Variants in PHC2 observed in about 807,000 individuals in gnomAD.
The protein encoded by PHC2 is polyhomeotic-like protein 2.
PHC2 carries 29 observed loss-of-function variants against 87.4 expected under a neutral mutation model. The observed-to-expected ratio is 0.33, with a 90% CI of 0.25 to 0.45. The LOEUF is 0.45. Ranked by LOEUF, PHC2 falls within the 20% of genes least tolerant of loss-of-function variation. The probability of loss-of-function intolerance (pLI) is 1.00; values close to 1 mark genes in which losing one functional copy is unlikely to be tolerated. For synonymous variants in PHC2, 438 were observed against 461.7 expected (o/e 0.95, Z 0.66); for missense variants, 857 against 1,136.7 (o/e 0.75, Z 3.54).
chr1:33,347,019 C>G, intron 9 of PHC2: 1 of 985,462 alleles, frequency 1.0e-6, no homozygotes, highest in Non-Finnish European at 1.2e-6. Flanking sequence ...ACTTACTCCT[C>G]TTAACATGCC....
At chr1:33,401,845 C>T (rs1308332369) in intron 1 of PHC2, among the ~76,000 whole-genome samples, 1 of 152,086 alleles carries the variant, frequency 6.6e-6, no homozygotes, top group East Asian at 1.9e-4. Flanking sequence ...TCACAGCAAA[C>T]CTCCCAAGTT....
At chr1:33,325,561 A>G (rs1234309151) in intron 14 of PHC2, 1 of 232,606 alleles carries the variant, frequency 4.3e-6, no homozygotes, top group African/African-American at 2.3e-5. Flanking sequence ...GAGACCTCAT[A>G]TGACCTCAAA....
intron 9 of PHC2, chr1:33,346,937 G>C (rs1232842307): frequency 2.0e-6 from 2 of 985,254 alleles, no homozygotes; most frequent in African/African-American, 3.5e-5. Flanking sequence ...AAAATGTAGA[G>C]AGGGGACAGC....
chr1:33,397,131 T>C (rs994072614), intron 1 of PHC2, among the ~76,000 whole-genome samples: 5 of 152,104 alleles, frequency 3.3e-5, no homozygotes, highest in African/African-American at 1.2e-4. Flanking sequence ...GCTGGGACAA[T>C]GAGAGGAACC....
At chr1:33,367,897 C>T (rs996441721) in intron 6 of PHC2, among the ~76,000 whole-genome samples, 3 of 152,180 alleles carry the variant, frequency 2.0e-5, no homozygotes, top group African/African-American at 4.8e-5. Flanking sequence ...AGGTTGCCAC[C>T]GGCTCTTCCA....
At chr1:33,398,237 C>T (rs1649374698) in intron 1 of PHC2, among the ~76,000 whole-genome samples, 1 of 152,136 alleles carries the variant, frequency 6.6e-6, no homozygotes, top group South Asian at 2.1e-4. Flanking sequence ...AAATGCTTTG[C>T]AACATTTTAA....
chr1:33,413,003 G>A (rs1372877891), intron 1 of PHC2, among the ~76,000 whole-genome samples: 1 of 151,970 alleles, frequency 6.6e-6, no homozygotes, highest in Non-Finnish European at 1.5e-5. Flanking sequence ...TCTCGCTCTT[G>A]TCACCCAGGC....
chr1:33,370,964 G>T, intron 4 of PHC2, 53 bp downstream of exon 4: 1 of 1,451,822 alleles, frequency 6.9e-7, no homozygotes, highest in Non-Finnish European at 9.7e-7. Flanking sequence ...GGGAACTTGG[G>T]CATTTTGGTC....
rs139330053 is a variant in PHC2 at position 33,367,129 on chromosome 1, G to T, written c.963C>A (p.Pro321=). The T allele has an allele frequency of 1.5e-5, 24 of 1,606,272 alleles. No individual in the cohort carries two copies. The highest frequency in any genetic ancestry group is 1.9e-5 in the Non-Finnish European group (22 of 1,174,420). ...TGAAGACCTTACCTGGTGCAATGAG[G>T]GGGTGGGCAGCCACAGCAGGAACCG... is the stretch of plus-strand genomic sequence containing the variant. ...SRTVPAVAAH[P]LIAPAYAQLQ... is the part of the protein sequence containing the mutation. The change falls in exon 7 of 15, where the codon CCC becomes CCA. Residue 321 remains proline (P), a synonymous_variant. Transcript: ENST00000683057.
intron 7 of PHC2, chr1:33,363,325 A>C (rs1647252935): frequency 6.6e-6 from 1 of 152,230 alleles, no homozygotes; most frequent in South Asian, 2.1e-4. Flanking sequence ...GGATAGCTGA[A>C]ATGACCTTCA....
rs1159926732 is a variant in PHC2 at position 33,325,006 on chromosome 1, T to C, written c.2439A>G (p.Ile813Met). 4 of 1,612,084 alleles carry C rather than the reference T, an allele frequency of 2.5e-6. No homozygotes were observed. Among genetic ancestry groups the C allele is most frequent in the Non-Finnish European group, 2.5e-6 (3 of 1,178,682 alleles). The change falls in exon 15 of 15, where the codon ATA becomes ATG. Residue 813 changes from isoleucine (I) to methionine (M), a missense_variant. By Grantham distance (10) the Ile-to-Met change is conservative. Coordinates refer to ENST00000683057, the MANE Select transcript of PHC2 (RefSeq NM_001385109.1). ...FIRSLPGCQE[I>M]AEEFRAQEID... is the part of the protein sequence containing the mutation. ...TTTCCTGGGCACGGAATTCCTCTGCTATCTCCTGGCAGCCTGAGGGGGTAC... is the reference window on the plus strand; with the variant it reads ...TTTCCTGGGCACGGAATTCCTCTGCCATCTCCTGGCAGCCTGAGGGGGTAC...
At chr1:33,367,552 G>A in intron 6 of PHC2, 124 bp from the exon 7 acceptor site, 5 of 770,622 alleles carry the variant, frequency 6.5e-6, no homozygotes, top group Non-Finnish European at 1.0e-5. Flanking sequence ...TCAAATCAGA[G>A]AGAGAGAATG....
chr1:33,349,424 G>A lies in PHC2; in HGVS notation c.1558+4977C>T, dbSNP rs1371786207. ...GGGTCCCCAGGCGAGCGAGGCTGGG[G>A]AGCAGGGCACCTCCCAGGCGCCGCG... On this transcript the variant is annotated intron_variant, in intron 9 of 14. Transcript: ENST00000683057. This position sits in a 1 kb window ranked among gnomAD's most constrained non-coding sequence, Gnocchi z 4.2. 2.0e-6 allele frequency: 2 copies of A among 985,270 alleles called. No homozygotes were observed. Among genetic ancestry groups the A allele is most frequent in the East Asian group, 2.3e-4 (2 of 8,758 alleles). The allele number at this position is 985,270 out of a possible 1,614,324, so 61.0% of individuals were successfully genotyped here. A position where few individuals can be genotyped will look rare whatever the true frequency, so the allele number is the denominator to read the frequency against.
At chr1:33,344,858 C>A (rs1190532019) in intron 9 of PHC2, among the ~76,000 whole-genome samples, 7 of 152,064 alleles carry the variant, frequency 4.6e-5, no homozygotes, top group African/African-American at 1.7e-4. Context: ...ATCCTCCTGC[C>A]TCGGCCCCCC....
chr1:33,324,192 T>C lies in PHC2; in HGVS notation c.*673A>G, dbSNP rs1240719849. ...CTGAGTGGAGTCCAGGACAAAGCAC[T>C]AAGTGGCTGTTTGCTACAAAACACC... On this transcript the variant is annotated 3_prime_UTR_variant, in exon 15 of 15. Coordinates refer to ENST00000683057, the MANE Select transcript of PHC2 (RefSeq NM_001385109.1). The C allele has an allele frequency of 6.5e-6, 1 of 152,768 alleles. No homozygotes were observed. The highest frequency in any genetic ancestry group is 6.5e-5 in the Admixed American group (1 of 15,280). 9.5% of individuals were successfully genotyped at this position (152,768 alleles called of 1,614,324 possible). A position where few individuals can be genotyped will look rare whatever the true frequency, so the allele number is the denominator to read the frequency against.
At position 33,431,048 on chromosome 1, in the gene PHC2, G is replaced by C. The variant is rs1650903473; in HGVS notation, c.-127C>G. 6.6e-6 allele frequency: 1 copy of C among 151,736 alleles called. No individual in the cohort carries two copies. The highest frequency in any genetic ancestry group is 2.1e-4 in the South Asian group (1 of 4,838). The allele number at this position is 151,736 out of a possible 1,614,324, so 9.4% of individuals were successfully genotyped here. On this transcript the variant is annotated 5_prime_UTR_variant, in exon 1 of 15. Transcript: ENST00000683057. ...GGGCCGCCCCTCAGCCCGCCCCCTC[G>C]GCTCGGCGCCGCGCACCCTGCTGGC...
intron 1 of PHC2, among the ~76,000 whole-genome samples, chr1:33,381,429 G>T (rs76548363): frequency 6.6e-6 from 1 of 151,938 alleles, no homozygotes; most frequent in African/African-American, 2.4e-5. Context: ...TTTCACTTCA[G>T]TACCTTCCAT....
chr1:33,421,494 G>A (rs1006232586), intron 1 of PHC2, among the ~76,000 whole-genome samples: 1 of 152,176 alleles, frequency 6.6e-6, no homozygotes, highest in Admixed American at 6.5e-5. Flanking sequence ...TATGAAGGCT[G>A]AAAGGAAGGA....
At chr1:33,327,165 G>A (rs1410031641) in intron 14 of PHC2, among the ~76,000 whole-genome samples, 3 of 152,264 alleles carry the variant, frequency 2.0e-5, no homozygotes, top group African/African-American at 4.8e-5. Context: ...ATGGATCAGC[G>A]ACTCTTGTAC....
Sources: gnomAD v4.1 joint callset for allele counts (sites outside exome capture counted in the v4.1 genomes callset) on GRCh38, gnomAD v4.1.1 for gene constraint, Gnocchi (gnomAD v3.1) non-coding constraint, MANE v1.5 for transcripts, NCBI Gene and HGNC (gene_info 2026-07-23, HGNC 2026-07-21) for gene names.